The following EXOC6 variants were observed in gnomAD, a reference collection of about 807,000 sequenced individuals.
EXOC6 encodes the protein exocyst complex component 6.
In EXOC6, 60 loss-of-function variants were observed where a neutral mutation model predicts 112.5. That is an observed-to-expected ratio of 0.53 (90% CI 0.43 to 0.66). The LOEUF (loss-of-function observed/expected upper bound fraction) is 0.66. Among genes scored for constraint, EXOC6 ranks in the 30% least tolerant of loss-of-function variants. The probability of loss-of-function intolerance (pLI) is 0.00; values close to 1 mark genes in which losing one functional copy is unlikely to be tolerated. For synonymous variants in EXOC6, 295 were observed against 308.0 expected (o/e 0.96, Z 0.44); for missense variants, 855 against 957.1 (o/e 0.89, Z 1.41).
At chr10:92,946,206 G>A (rs1461505882) in intron 13 of EXOC6, among the ~76,000 whole-genome samples, 1 of 152,158 alleles carries the variant, frequency 6.6e-6, no homozygotes, top group Admixed American at 6.5e-5. Context: ...TGAGGCAGGA[G>A]AATGGCGTGA....
chr10:92,884,259 A>G (rs1052880591), intron 1 of EXOC6, among the ~76,000 whole-genome samples: 1 of 152,164 alleles, frequency 6.6e-6, no homozygotes, highest in Non-Finnish European at 1.5e-5. Context: ...GTGTCAGTTG[A>G]CACAAGCAGT....
intron 20 of EXOC6, among the ~76,000 whole-genome samples, chr10:93,039,783 C>T (rs1845677607): frequency 6.6e-6 from 1 of 152,172 alleles, no homozygotes; most frequent in African/African-American, 2.4e-5. Flanking sequence ...TCTTCTGGCC[C>T]ACTTATTCTA....
intron 3 of EXOC6, 41 bp downstream of exon 3, chr10:92,894,882 GTTCT>G (rs1849673097): frequency 6.2e-7 from 1 of 1,608,446 alleles, no homozygotes; most frequent in Non-Finnish European, 8.5e-7. Context: ...GTATGTAGTT[GTTCT>G]TTAACTGTTT....
chr10:92,961,239 T>C (rs543462143), intron 17 of EXOC6, among the ~76,000 whole-genome samples: 36 of 152,342 alleles, frequency 2.4e-4, no homozygotes, highest in African/African-American at 8.4e-4. Context: ...TGATTACTTA[T>C]ATGCTTTTTT....
At chr10:92,858,746 G>A (rs371387638) in intron 1 of EXOC6, among the ~76,000 whole-genome samples, 4 of 152,220 alleles carry the variant, frequency 2.6e-5, no homozygotes, top group East Asian at 3.9e-4. Context: ...CATCTCATAA[G>A]CAGTTTCTAT....
Position 92,954,749 on chromosome 10 carries a change from A to T in EXOC6, c.1638+8A>T. The T allele has an allele frequency of 8.6e-7, 1 of 1,166,818 alleles. No individual in the cohort carries two copies. Among genetic ancestry groups the T allele is most frequent in the Non-Finnish European group, 1.3e-6 (1 of 782,286 alleles). 72.3% of individuals were successfully genotyped at this position (1,166,818 alleles called of 1,614,324 possible). ...CATATAGGTTTGACAGAGGTAGGTT[A>T]AAAAGACACATATAGTGAAATGTTT... On this transcript the variant is annotated splice_region_variant and intron_variant, in intron 16 of 21. Coordinates refer to ENST00000260762, the MANE Select transcript of EXOC6 (RefSeq NM_019053.6).
chr10:92,966,278 T>TGTA (rs1554905070), intron 17 of EXOC6, among the ~76,000 whole-genome samples: 3 of 113,648 alleles, frequency 2.6e-5, no homozygotes, highest in Non-Finnish European at 5.2e-5. Flanking sequence ...AGCATGTAAT[T>TGTA]ATAATTATTA....
At chr10:92,976,043 G>T (rs1283751208) in intron 18 of EXOC6, among the ~76,000 whole-genome samples, 1 of 57,056 alleles carries the variant, frequency 1.8e-5, no homozygotes, top group Non-Finnish European at 3.0e-5. Flanking sequence ...CCGGGAGGGA[G>T]GTGGGGGGGG....
At chr10:93,015,186 T>G (rs1457145508) in intron 20 of EXOC6, among the ~76,000 whole-genome samples, 3 of 152,186 alleles carry the variant, frequency 2.0e-5, no homozygotes, top group Admixed American at 6.5e-5. Flanking sequence ...GCTTCATCAT[T>G]GGTATGAACA....
At chr10:92,966,697 A>G (rs1312243265) in intron 17 of EXOC6, among the ~76,000 whole-genome samples, 1 of 147,052 alleles carries the variant, frequency 6.8e-6, no homozygotes, top group African/African-American at 2.5e-5. Context: ...ATTGTTGGAC[A>G]TTTGGGTTGG....
chr10:92,849,359 G>A (rs183504376), intron 1 of EXOC6, among the ~76,000 whole-genome samples: 141 of 152,236 alleles, frequency 9.3e-4, no homozygotes, highest in African/African-American at 3.3e-3. Context: ...TAATTTTTCC[G>A]TTTAAATCGA....
In EXOC6 at chr10:92,965,789, A is replaced by G. The variant is rs1406712459; in HGVS notation, c.1774-8264A>G. Among the ~76,000 whole-genome samples the G allele has an allele frequency of 2.6e-5, 4 of 152,176 alleles. No homozygotes were observed. The East Asian group carries it at 7.7e-4, about 29-fold the overall frequency. On this transcript the variant is annotated intron_variant, in intron 17 of 21. Transcript: ENST00000260762. ...GAAAATATAGTGAGCCAGTTCATGC[A>G]GCTATAAAGATCAGACACATATGTT...
intron 19 of EXOC6, among the ~76,000 whole-genome samples, chr10:93,011,492 T>C (rs1162434786): frequency 6.6e-6 from 1 of 152,038 alleles, no homozygotes; most frequent in Non-Finnish European, 1.5e-5. Context: ...AACTCCTGGC[T>C]TCAAGCAATC....
At chr10:93,050,617 G>A (rs1379589776) in intron 20 of EXOC6, among the ~76,000 whole-genome samples, 2 of 151,774 alleles carry the variant, frequency 1.3e-5, no homozygotes, top group East Asian at 1.9e-4. Flanking sequence ...AAAATTAGCC[G>A]GGCATGGTGG....
At chr10:92,840,366 C>G (rs891236014) in intron 1 of EXOC6, among the ~76,000 whole-genome samples, 2 of 152,068 alleles carry the variant, frequency 1.3e-5, no homozygotes, top group African/African-American at 2.4e-5. Context: ...GTTTCTGAAA[C>G]TATAAAGTGG....
chr10:92,887,018 G>A lies in EXOC6; in HGVS notation c.102-6331G>A, dbSNP rs534062208. ...CAGCAGACATGACTCCTCTCTGGCC[G>A]GTTAAGTCACTGTGGGGAATTGTTG... is the stretch of plus-strand genomic sequence containing the variant. On this transcript the variant is annotated intron_variant, in intron 1 of 21. Transcript: ENST00000260762. Among the ~76,000 whole-genome samples the A allele has an allele frequency of 2.6e-5, 4 of 152,228 alleles. No homozygotes were observed. In the East Asian group the frequency reaches 7.7e-4, roughly 29 times the overall value.
chr10:92,926,697 C>T (rs916950670), intron 8 of EXOC6, among the ~76,000 whole-genome samples: 1 of 151,996 alleles, frequency 6.6e-6, no homozygotes, highest in Non-Finnish European at 1.5e-5. Context: ...CCATGCCTTG[C>T]TGATTTTTAA....
chr10:92,831,328 G>C, upstream of EXOC6: 1 of 1,289,076 alleles, frequency 7.8e-7, no homozygotes, highest in Non-Finnish European at 1.0e-6. Context: ...TGAATGTGCT[G>C]TGTAGGAGGA....
intron 20 of EXOC6, among the ~76,000 whole-genome samples, chr10:93,050,604 C>T (rs1333993929): frequency 1.3e-5 from 2 of 149,606 alleles, no homozygotes; most frequent in East Asian, 2.0e-4. Context: ...ACTAAAAATA[C>T]AAAAAATTAG....
Sources: allele counts gnomAD v4.1 joint callset (sites outside exome capture counted in the v4.1 genomes callset), GRCh38; gene constraint gnomAD v4.1.1; transcripts MANE v1.5; gene names NCBI Gene and HGNC (gene_info 2026-07-23, HGNC 2026-07-21).